The following CUL1 variants were observed in gnomAD, a reference collection of about 807,000 sequenced individuals.
The protein encoded by CUL1 is cullin-1.
In CUL1, 24 loss-of-function variants were observed where a neutral mutation model predicts 118.0. The ratio of observed to expected loss-of-function variants is 0.20; its 90% CI spans 0.15 to 0.29. The LOEUF is 0.29. Among genes scored for constraint, CUL1 ranks in the 10% least tolerant of loss-of-function variants. The pLI is 1.00. For synonymous variants in CUL1, 332 were observed against 340.4 expected (o/e 0.98, Z 0.27); for missense variants, 361 against 933.8 (o/e 0.39, Z 7.99).
At chr7:148,734,179 T>G (rs992364718) in intron 2 of CUL1, among the ~76,000 whole-genome samples, 3 of 152,230 alleles carry the variant, frequency 2.0e-5, no homozygotes, top group African/African-American at 7.2e-5. Context: ...TGAGTCTGTC[T>G]GTTAAGCGCT....
chr7:148,727,140 A>G (rs1251659160), intron 1 of CUL1, among the ~76,000 whole-genome samples: 1 of 152,236 alleles, frequency 6.6e-6, no homozygotes, highest in Non-Finnish European at 1.5e-5. Flanking sequence ...ATCCTACTAA[A>G]TATTCGTTAA....
At chr7:148,748,336 A>G (rs888136698) in intron 2 of CUL1, among the ~76,000 whole-genome samples, 1 of 152,194 alleles carries the variant, frequency 6.6e-6, no homozygotes, top group African/African-American at 2.4e-5. Context: ...AAGGTTGAAA[A>G]TAAAGGGCTG....
At chr7:148,706,049 C>A (rs1797870208) in intron 1 of CUL1, among the ~76,000 whole-genome samples, 1 of 152,128 alleles carries the variant, frequency 6.6e-6, no homozygotes, top group African/African-American at 2.4e-5. Flanking sequence ...ATGTGATGGG[C>A]CACGGTCAAC....
In CUL1 at chr7:148,798,808, A is replaced by T. The variant is rs1355575894; in HGVS notation, c.2136+131A>T. The T allele has an allele frequency of 3.1e-5, 24 of 764,898 alleles. No homozygotes were observed. The Admixed American group carries it at 4.5e-4, about 14-fold the overall frequency. The allele number at this position is 764,898 out of a possible 1,614,324, so 47.4% of individuals were successfully genotyped here. A position where few individuals can be genotyped will look rare whatever the true frequency, so the allele number is the denominator to read the frequency against. ...AGATGAATGGGTCTGTGATGGCAGA[A>T]GGTGGCAAGGCCGAGAGCCAGGGCC... On this transcript the variant is annotated intron_variant, in intron 20 of 21. Coordinates refer to ENST00000325222, the MANE Select transcript of CUL1 (RefSeq NM_003592.3).
chr7:148,714,942 G>GACACATGA (rs1175162236), intron 1 of CUL1, among the ~76,000 whole-genome samples: 3 of 152,100 alleles, frequency 2.0e-5, no homozygotes, highest in Non-Finnish European at 4.4e-5. Flanking sequence ...ATGGAATGTG[G>GACACATGA]TCACATGATC....
chr7:148,729,500 A>G (rs1798687076), intron 1 of CUL1, among the ~76,000 whole-genome samples: 1 of 152,192 alleles, frequency 6.6e-6, no homozygotes, highest in South Asian at 2.1e-4. Flanking sequence ...CAGCCTCACC[A>G]ACATTTGCAT....
rs367650595 is a variant in CUL1 at position 148,799,434 on chromosome 7, G to A, written c.2250+46G>A. ...GTCACATTCCTTTCTTAATTTAGAA[G>A]ATAAAAGATGTAGCAAAAAGTGGAT... On this transcript the variant is annotated intron_variant, in intron 21 of 21. Transcript: ENST00000325222. 466 of 1,325,290 alleles carry A rather than the reference G, an allele frequency of 3.5e-4. 4 individuals carry two copies. The South Asian group carries it at 5.4e-3, about 15-fold the overall frequency. 82.1% of individuals were successfully genotyped at this position (1,325,290 alleles called of 1,614,324 possible).
intron 9 of CUL1, among the ~76,000 whole-genome samples, chr7:148,771,697 TA>T (rs1800218709): frequency 6.6e-6 from 1 of 152,210 alleles, no homozygotes; most frequent in Non-Finnish European, 1.5e-5. Context: ...TGCACACAAA[TA>T]TTCAAGGATG....
chr7:148,748,187 G>A (rs962484262), intron 2 of CUL1, among the ~76,000 whole-genome samples: 6 of 152,080 alleles, frequency 3.9e-5, no homozygotes, highest in East Asian at 1.9e-4. Flanking sequence ...AAACAGGATC[G>A]TAGAAATTAA....
rs1801289522 is a variant in CUL1, at chr7:148,798,714, C to A, written c.2136+37C>A. On this transcript the variant is annotated intron_variant, in intron 20 of 21. Transcript: ENST00000325222. ...GTATGCCTGTGCCAGGTGTGCTGTC[C>A]CTCACGCAGGGATGGCTCGCAAGGA... 5.2e-6 allele frequency: 8 copies of A among 1,552,888 alleles called. No homozygotes were observed. The African/African-American group carries it at 8.1e-5, about 16-fold the overall frequency.
At chr7:148,731,414 T>C (rs1798759781) in intron 2 of CUL1, among the ~76,000 whole-genome samples, 1 of 152,206 alleles carries the variant, frequency 6.6e-6, no homozygotes, top group Non-Finnish European at 1.5e-5. Flanking sequence ...CTAAAAAAAA[T>C]TTAAGTAGAT....
Position 148,789,740 on chromosome 7 carries a change from C to G in CUL1, c.1598-10C>G. 1 of 1,612,758 alleles carries G rather than the reference C, an allele frequency of 6.2e-7. No homozygotes were observed. The highest frequency in any genetic ancestry group is 8.5e-7 in the Non-Finnish European group (1 of 1,178,798). ...AGAATGTTCACTCTCCCCTCTCTTC[C>G]GTCCCACAGTGGATTTCAGCATTCA... On this transcript the variant is annotated splice_polypyrimidine_tract_variant and intron_variant, in intron 14 of 21. Coordinates refer to ENST00000325222, the MANE Select transcript of CUL1 (RefSeq NM_003592.3).
At chr7:148,795,769 CAAAAAAAAA>C (rs915978562) in intron 17 of CUL1, among the ~76,000 whole-genome samples, 1 of 56,072 alleles carries the variant, frequency 1.8e-5, no homozygotes, top group Admixed American at 2.1e-4. Flanking sequence ...GACTCTGTCT[CAAAAAAAAA>C]AAAAAAAAAA....
intron 2 of CUL1, among the ~76,000 whole-genome samples, chr7:148,731,193 A>G (rs1325097466): frequency 6.6e-6 from 1 of 152,182 alleles, no homozygotes; most frequent in Non-Finnish European, 1.5e-5. Context: ...GCTAATTTGG[A>G]GGCTTTCTTG....
intron 2 of CUL1, among the ~76,000 whole-genome samples, chr7:148,752,315 G>A (rs1199826916): frequency 6.6e-6 from 1 of 152,194 alleles, no homozygotes; most frequent in African/African-American, 2.4e-5. Flanking sequence ...GAGGGAGGCT[G>A]TAGGTGGAAT....
chr7:148,792,758 G>T lies in CUL1; in HGVS notation c.1839G>T (p.Gln613His), dbSNP rs761975125. ...CATTCCAGATGGCTATCCTGCTTCA[G>T]TACAACACGGAAGATGCCTACACTG... ...ASTFQMAILL[Q>H]YNTEDAYTVQ... The change falls in exon 17 of 22, where the codon CAG (glutamine) becomes CAT (histidine). Residue 613 changes from glutamine (Q) to histidine (H), a missense_variant. Gln to His is a conservative substitution (Grantham distance 24). Coordinates refer to ENST00000325222, the MANE Select transcript of CUL1 (RefSeq NM_003592.3). The T allele has an allele frequency of 6.2e-7, 1 of 1,613,340 alleles. No individual in the cohort carries two copies. The highest frequency in any genetic ancestry group is 8.5e-7 in the Non-Finnish European group (1 of 1,179,702).
At chr7:148,710,517 C>T (rs1170615407) in intron 1 of CUL1, among the ~76,000 whole-genome samples, 4 of 152,142 alleles carry the variant, frequency 2.6e-5, no homozygotes, top group East Asian at 1.9e-4. Flanking sequence ...TGTGGCGAGC[C>T]GAGATCACGC....
chr7:148,799,155 G>A (rs1200663755), intron 20 of CUL1, 120 bp from the exon 21 acceptor site: 1 of 653,184 alleles, frequency 1.5e-6, no homozygotes, highest in South Asian at 2.0e-5. Flanking sequence ...TTTGTTGCCT[G>A]TTAGGAAATT....
intron 2 of CUL1, among the ~76,000 whole-genome samples, chr7:148,741,747 T>G (rs1006345304): frequency 2.7e-5 from 4 of 149,560 alleles, no homozygotes; most frequent in Middle Eastern, 3.4e-3. Context: ...CTAATTTTGG[T>G]GTTTGTAGTA....
Sources: allele counts gnomAD v4.1 joint callset (sites outside exome capture counted in the v4.1 genomes callset), GRCh38; gene constraint gnomAD v4.1.1; transcripts MANE v1.5; gene names NCBI Gene and HGNC (gene_info 2026-07-23, HGNC 2026-07-21).